HAPSTR1: variants seen among roughly 807,000 people sequenced by gnomAD.
The protein encoded by HAPSTR1 is HUWE1 associated protein modifying stress responses.
At chr16:9,099,488 A>G in the HAPSTR1 span, among the ~76,000 whole-genome samples, 8 of 152,278 alleles carry the variant, frequency 5.3e-5, no homozygotes, top group East Asian at 1.9e-4. Context: ...CCACTGTGCC[A>G]TGCCCGCCCA....
the HAPSTR1 span, chr16:9,106,257 AAAGT>A: frequency 6.6e-6 from 1 of 152,124 alleles, no homozygotes. Context: ...TAAAGAAAAA[AAAGT>A]AAGGCATATC....
the HAPSTR1 span, chr16:9,121,584 C>T: frequency 6.6e-6 from 1 of 151,812 alleles, no homozygotes; most frequent in Admixed American, 6.6e-5. Flanking sequence ...GGGCTGTTTT[C>T]TCATCTGTGA....
chr16:9,120,048 A>G, the HAPSTR1 span: 1 of 152,252 alleles, frequency 6.6e-6, no homozygotes, highest in African/African-American at 2.4e-5. Flanking sequence ...TACTACCTCT[A>G]GTGGTGACTA....
chr16:9,092,829 C>G, the HAPSTR1 span: 1 of 1,315,396 alleles, frequency 7.6e-7, no homozygotes, highest in Admixed American at 2.3e-5. Flanking sequence ...GAGTGATTGA[C>G]GCGCAAATAA....
chr16:9,107,053 T>C, the HAPSTR1 span: 29,980 of 152,212 alleles, frequency 0.2, 3,131 homozygotes, highest in East Asian at 0.25. Flanking sequence ...ACGTTTCCCA[T>C]GTCTTCACTT....
At chr16:9,107,003 C>T in the HAPSTR1 span, 10 of 152,414 alleles carry the variant, frequency 6.6e-5, no homozygotes, top group Non-Finnish European at 1.5e-4. Flanking sequence ...CCACATTGGC[C>T]TGCCTGACCT....
At chr16:9,097,227 A>G in the HAPSTR1 span, among the ~76,000 whole-genome samples, 2 of 145,134 alleles carry the variant, frequency 1.4e-5, no homozygotes, top group African/African-American at 5.2e-5. Flanking sequence ...GGCGTGAGCC[A>G]CCGCGCCTGG....
chr16:9,119,836 G>A, the HAPSTR1 span: 1 of 152,134 alleles, frequency 6.6e-6, no homozygotes, highest in African/African-American at 2.4e-5. Flanking sequence ...CATTAAACTC[G>A]AATAATTGTG....
At chr16:9,104,670 G>A in the HAPSTR1 span, 4 of 152,186 alleles carry the variant, frequency 2.6e-5, no homozygotes, top group East Asian at 5.8e-4. Flanking sequence ...TTGTGTGGAT[G>A]CAGTACTTTA....
At chr16:9,097,855 A>G in the HAPSTR1 span, among the ~76,000 whole-genome samples, 1 of 152,232 alleles carries the variant, frequency 6.6e-6, no homozygotes, top group African/African-American at 2.4e-5. Flanking sequence ...CTTACCCACA[A>G]CCATTAATAG....
the HAPSTR1 span, among the ~76,000 whole-genome samples, chr16:9,116,461 G>A: frequency 6.6e-6 from 1 of 152,156 alleles, no homozygotes; most frequent in Non-Finnish European, 1.5e-5. Context: ...TACCAATATT[G>A]TAGATATTGG....
chr16:9,101,616 T>C, the HAPSTR1 span, among the ~76,000 whole-genome samples: 1 of 152,350 alleles, frequency 6.6e-6, no homozygotes, highest in South Asian at 2.1e-4. Flanking sequence ...TCTTTGTCTT[T>C]AGCAATAAAG....
chr16:9,093,250 G>A, the HAPSTR1 span, among the ~76,000 whole-genome samples: 441 of 152,234 alleles, frequency 2.9e-3, 2 homozygotes, highest in African/African-American at 0.01. Flanking sequence ...AGGGGCTGTT[G>A]TTGGGCACCC....
At chr16:9,092,644 G>A in the HAPSTR1 span, among the ~76,000 whole-genome samples, 1 of 150,328 alleles carries the variant, frequency 6.7e-6, no homozygotes, top group South Asian at 2.1e-4. Context: ...GCCTCGGGGC[G>A]GGGACTGCCA....
the HAPSTR1 span, chr16:9,109,383 G>GGC: frequency 6.6e-6 from 1 of 152,208 alleles, no homozygotes; most frequent in Non-Finnish European, 1.5e-5. Flanking sequence ...ACTTCACTCG[G>GGC]TATGTTTATT....
chr16:9,114,015 C>T, the HAPSTR1 span, among the ~76,000 whole-genome samples: 1 of 152,144 alleles, frequency 6.6e-6, no homozygotes, highest in Non-Finnish European at 1.5e-5. Flanking sequence ...GTGCCAGGCA[C>T]TGTGCTTAGG....
chr16:9,107,302 C>T, the HAPSTR1 span: 5 of 152,220 alleles, frequency 3.3e-5, no homozygotes, highest in African/African-American at 7.2e-5. Context: ...TAGAGCGATT[C>T]CTTTTTCTGT....
At chr16:9,098,865 T>G in the HAPSTR1 span, among the ~76,000 whole-genome samples, 1 of 152,300 alleles carries the variant, frequency 6.6e-6, no homozygotes, top group Admixed American at 6.5e-5. Flanking sequence ...GGGAACTCTG[T>G]CAATGAACTT....
At chr16:9,113,319 A>G in the HAPSTR1 span, 2 of 152,206 alleles carry the variant, frequency 1.3e-5, no homozygotes, top group Non-Finnish European at 2.9e-5. Context: ...TAAAGTTATC[A>G]AGATAAACAC....
Sources: gnomAD v4.1 joint callset for allele counts (sites outside exome capture counted in the v4.1 genomes callset) on GRCh38, gnomAD v4.1.1 for gene constraint, MANE v1.5 for transcripts, NCBI Gene and HGNC (gene_info 2026-07-23, HGNC 2026-07-21) for gene names.